BRPF1: variants seen among roughly 807,000 people sequenced by gnomAD.
BRPF1 encodes the protein bromodomain and PHD finger containing 1, also known as peregrin.
In BRPF1, 15 loss-of-function variants were observed where a neutral mutation model predicts 115.0. The ratio of observed to expected loss-of-function variants is 0.13; its 90% CI spans 0.09 to 0.20. The LOEUF is 0.20. Ranked by LOEUF, BRPF1 falls within the 10% of genes least tolerant of loss-of-function variation. The pLI is 1.00. For missense variants in BRPF1, 1,118 were observed against 1,638.3 expected, an observed-to-expected ratio of 0.68 and a Z score of 5.48; for synonymous variants, 647 against 619.8, an observed-to-expected ratio of 1.04 and a Z score of -0.65.
rs140640735 is a variant in BRPF1, at chr3:9,739,890, A to G, written c.1491A>G (p.Ala497=). The part of the protein sequence containing the change: ...KAKSRIKMKK[A]RKILAEKRAA... ...AGTCCCGGATCAAAATGAAGAAGGC[A>G]CGGAAGATCCTGGCAGAGAAGCGGG... The change falls in exon 3 of 14, where the codon GCA becomes GCG. Residue 497 remains alanine, a synonymous_variant. Transcript: ENST00000383829. The G allele has an allele frequency of 6.3e-7, 1 of 1,582,390 alleles. No individual in the cohort carries two copies. The highest frequency in any genetic ancestry group is 8.6e-7 in the Non-Finnish European group (1 of 1,164,298).
At position 9,734,056 on chromosome 3, in the gene BRPF1, G is replaced by T; in HGVS notation, c.-10-75G>T. 1 of 1,513,620 alleles carries T rather than the reference G, an allele frequency of 6.6e-7. No homozygotes were observed. The highest frequency in any genetic ancestry group is 8.8e-7 in the Non-Finnish European group (1 of 1,135,584). The allele number at this position is 1,513,620 out of a possible 1,614,324, so 93.8% of individuals were successfully genotyped here. A position where few individuals can be genotyped will look rare whatever the true frequency, so the allele number is the denominator to read the frequency against. On this transcript the variant is annotated intron_variant, in intron 1 of 13. Transcript: ENST00000383829. The surrounding 1 kb of genome is among the most constrained non-coding windows in gnomAD (Gnocchi z 5.7). ...TGACTCCAAGTGAGGGGGAGGGCTAGAAAGACTGGGGTCTCTGGTGCAAAT... is the reference window on the plus strand; with the variant it reads ...TGACTCCAAGTGAGGGGGAGGGCTATAAAGACTGGGGTCTCTGGTGCAAAT...
Position 9,741,966 on chromosome 3 carries a change from A to ACT in BRPF1, c.1855-59_1855-58insCT, listed in dbSNP as rs1342294775. The stretch of plus-strand genomic sequence containing the variant: ...CCAGGCCAGCTGGGACCATATCCTC[A>ACT]GACCTCTTTGCCACTGAACTGGCCG... On this transcript the variant is annotated intron_variant, in intron 5 of 13. Coordinates refer to ENST00000383829, the MANE Select transcript of BRPF1 (RefSeq NM_001003694.2). 459 of 1,601,012 alleles carry ACT rather than the reference A, an allele frequency of 2.9e-4. 1 individual carries two copies. Among genetic ancestry groups the ACT allele is most frequent in the Admixed American group, 1.6e-3 (93 of 59,014 alleles).
intron 6 of BRPF1, chr3:9,742,461 C>T (rs1003147193): frequency 5.1e-6 from 5 of 985,294 alleles, no homozygotes; most frequent in South Asian, 4.7e-5. Context: ...AACCCTAGAA[C>T]GGAGACTTTA....
At position 9,745,149 on chromosome 3, in the gene BRPF1, G is replaced by A. The variant is rs780916627; in HGVS notation, c.3062G>A (p.Arg1021Gln). The A allele has an allele frequency of 2.7e-5, 43 of 1,613,804 alleles. No individual in the cohort carries two copies. The Admixed American group carries it at 6.7e-4, about 25-fold the overall frequency. Residue 1021 changes from arginine (R) to glutamine (Q), a missense_variant, in exon 10 of 14, where the codon CGG becomes CAG. Arg to Gln is a conservative substitution (Grantham distance 43). Coordinates refer to ENST00000383829, the MANE Select transcript of BRPF1 (RefSeq NM_001003694.2). The surrounding 1 kb of genome is among the most constrained non-coding windows in gnomAD (Gnocchi z 5.1). ...SSSSSSAASDRTSTTPSKQGR... is the reference protein window; with the variant it reads ...SSSSSSAASDQTSTTPSKQGR... ...AGCAGTAGCAGCGCTGCTTCAGACCGGACCAGGTACCAGCCCTCCAGATCG... is the reference window on the plus strand; with the variant it reads ...AGCAGTAGCAGCGCTGCTTCAGACCAGACCAGGTACCAGCCCTCCAGATCG...
rs996676995 is a variant in BRPF1 at position 9,746,247 on chromosome 3, A to G, written c.3325-53A>G. 251 of 1,490,206 alleles carry G rather than the reference A, an allele frequency of 1.7e-4. 1 individual carries two copies. The highest frequency in any genetic ancestry group is 2.1e-4 in the Non-Finnish European group (236 of 1,116,872). 92.3% of individuals were successfully genotyped at this position (1,490,206 alleles called of 1,614,324 possible). On this transcript the variant is annotated intron_variant, in intron 12 of 13. Coordinates refer to ENST00000383829, the MANE Select transcript of BRPF1 (RefSeq NM_001003694.2). ...TACTCTCTAAGTTCTTGAGGAGGAA[A>G]AGCCTTGGGAGGACATGGACTGAAC...
intron 2 of BRPF1, among the ~76,000 whole-genome samples, chr3:9,735,390 C>T (rs1243096434): frequency 6.6e-6 from 1 of 152,212 alleles, no homozygotes; most frequent in Non-Finnish European, 1.5e-5. Context: ...CATAGCTGTA[C>T]TGTTTCCACT....
intron 3 of BRPF1, among the ~76,000 whole-genome samples, chr3:9,740,529 G>A (rs1201029139): frequency 6.6e-6 from 1 of 152,216 alleles, no homozygotes; most frequent in African/African-American, 2.4e-5. Flanking sequence ...CTTAGGGGCA[G>A]AAGTCCCTGA....
At position 9,743,091 on chromosome 3, in the gene BRPF1, G is replaced by A; in HGVS notation, c.2149G>A (p.Asp717Asn). The change falls in exon 7 of 14, where the codon GAC (aspartate) becomes AAC (asparagine). Residue 717 changes from aspartate to asparagine, a missense_variant. Asp to Asn is a conservative substitution (Grantham distance 23, BLOSUM62 1). Coordinates refer to ENST00000383829, the MANE Select transcript of BRPF1 (RefSeq NM_001003694.2). The surrounding 1 kb of genome is among the most constrained non-coding windows in gnomAD (Gnocchi z 6.1). The stretch of plus-strand genomic sequence containing the variant: ...CAACTGCCTCAAGTATAACGCCAAG[G>A]ACACCATCTTCTACCGGGCAGCAGT... The part of the protein sequence containing the change: ...VSNCLKYNAK[D>N]TIFYRAAVRL... The A allele has an allele frequency of 1.2e-6, 2 of 1,614,206 alleles. No individual in the cohort carries two copies. The highest frequency in any genetic ancestry group is 1.7e-6 in the Non-Finnish European group (2 of 1,180,046).
At chr3:9,740,088 A>G (rs2077004520) in intron 3 of BRPF1, 130 bp downstream of exon 3, 2 of 1,397,454 alleles carry the variant, frequency 1.4e-6, no homozygotes, top group Non-Finnish European at 9.3e-7. Flanking sequence ...TAAAAAGAAC[A>G]TATTTTCAAA....
chr3:9,743,954 C>T lies in BRPF1; in HGVS notation c.2635+53C>T. The T allele has an allele frequency of 1.3e-6, 2 of 1,518,178 alleles. No individual in the cohort carries two copies. The highest frequency in any genetic ancestry group is 1.8e-6 in the Non-Finnish European group (2 of 1,129,944). The allele number at this position is 1,518,178 out of a possible 1,614,324, so 94.0% of individuals were successfully genotyped here. A position where few individuals can be genotyped will look rare whatever the true frequency, so the allele number is the denominator to read the frequency against. ...CAAAGCAAGTCAGACTTTGGCTCTG[C>T]AGCACACACTCAACCCCTGCCATTC... On this transcript the variant is annotated intron_variant, in intron 8 of 13. Transcript: ENST00000383829. This position sits in a 1 kb window ranked among gnomAD's most constrained non-coding sequence, Gnocchi z 6.1.
chr3:9,738,912 A>G, intron 2 of BRPF1, 87 bp from the exon 3 acceptor site: 2 of 1,285,600 alleles, frequency 1.6e-6, no homozygotes, highest in East Asian at 2.4e-5. Context: ...ATAGGCACAG[A>G]GTAAGTGCTC....
chr3:9,731,999 AG>A lies in BRPF1; in HGVS notation c.-145del, dbSNP rs2076859830. 1 of 152,440 alleles carries A rather than the reference AG, an allele frequency of 6.6e-6. No individual in the cohort carries two copies. The highest frequency in any genetic ancestry group is 1.5e-5 in the Non-Finnish European group (1 of 68,166). 9.4% of individuals were successfully genotyped at this position (152,440 alleles called of 1,614,324 possible). ...AGCCGGGACCAAAGCGTGGGGCGGC[AG>A]GGGGCCGGGGTGGCGAGGTCTACGG... On this transcript the variant is annotated 5_prime_UTR_variant, in exon 1 of 14. Transcript: ENST00000383829.
In BRPF1 at chr3:9,745,144, A is replaced by C; in HGVS notation, c.3057A>C (p.Ser1019=). ...GCAGTAGCAGTAGCAGCGCTGCTTC[A>C]GACCGGACCAGGTACCAGCCCTCCA... is the stretch of plus-strand genomic sequence containing the variant. The part of the protein sequence containing the change: ...SSSSSSSSAA[S]DRTSTTPSKQ... The change falls in exon 10 of 14, where the codon TCA becomes TCC. Residue 1019 remains serine (S), a synonymous_variant. Transcript: ENST00000383829. This position sits in a 1 kb window ranked among gnomAD's most constrained non-coding sequence, Gnocchi z 5.1. The C allele has an allele frequency of 1.2e-6, 2 of 1,614,130 alleles. No homozygotes were observed. Among genetic ancestry groups the C allele is most frequent in the Non-Finnish European group, 1.7e-6 (2 of 1,179,992 alleles).
intron 2 of BRPF1, among the ~76,000 whole-genome samples, chr3:9,736,987 G>A (rs1262931775): frequency 6.6e-6 from 1 of 152,172 alleles, no homozygotes; most frequent in South Asian, 2.1e-4. Flanking sequence ...ATAATGTCAC[G>A]TGTGTCATGG....
Position 9,743,858 on chromosome 3 carries a change from A to C in BRPF1, c.2592A>C (p.Thr864=). The C allele has an allele frequency of 6.2e-7, 1 of 1,602,034 alleles. No homozygotes were observed. The change falls in exon 8 of 14, where the codon ACA becomes ACC. Residue 864 remains threonine, a synonymous_variant. Coordinates refer to ENST00000383829, the MANE Select transcript of BRPF1 (RefSeq NM_001003694.2). This position sits in a 1 kb window ranked among gnomAD's most constrained non-coding sequence, Gnocchi z 6.1. ...HPAACDKDGQ[T]DSAAEESSSQ... is the part of the protein sequence containing the mutation. Reference sequence around the variant, plus strand: ...CAGCCTGTGACAAGGATGGGCAGACAGATAGTGCGGCAGAGGAGAGCAGCA... The same window carrying C: ...CAGCCTGTGACAAGGATGGGCAGACCGATAGTGCGGCAGAGGAGAGCAGCA...
At chr3:9,736,521 G>A (rs929372609) in intron 2 of BRPF1, among the ~76,000 whole-genome samples, 2 of 152,048 alleles carry the variant, frequency 1.3e-5, no homozygotes, top group East Asian at 3.9e-4. Context: ...CAAACACACA[G>A]ACCCCTCTTT....
At position 9,742,841 on chromosome 3, in the gene BRPF1, G is replaced by T. The variant is rs533199597; in HGVS notation, c.2002-103G>T. The T allele has an allele frequency of 4.1e-4, 508 of 1,247,738 alleles. 3 individuals carry two copies. In the African/African-American group the frequency reaches 7.1e-3, roughly 18 times the overall value. The allele number at this position is 1,247,738 out of a possible 1,614,324, so 77.3% of individuals were successfully genotyped here. ...TATATGCCTGCCTCTAACTGTGGTG[G>T]GAGGAGGTTGCTGGATGTGTTTCAG... On this transcript the variant is annotated intron_variant, in intron 6 of 13. Coordinates refer to ENST00000383829, the MANE Select transcript of BRPF1 (RefSeq NM_001003694.2).
intron 2 of BRPF1, among the ~76,000 whole-genome samples, chr3:9,738,503 T>A (rs1043240157): frequency 6.6e-6 from 1 of 152,236 alleles, no homozygotes; most frequent in Non-Finnish European, 1.5e-5. Flanking sequence ...AGAAGATCCA[T>A]GGCAGCTCTA....
rs202039036 is a variant in BRPF1 at position 9,745,849 on chromosome 3, G to A, written c.3243G>A (p.Leu1081=). 8.1e-6 allele frequency: 13 copies of A among 1,614,054 alleles called. No individual in the cohort carries two copies. The highest frequency in any genetic ancestry group is 1.7e-5 in the Admixed American group (1 of 60,002). Residue 1081 remains leucine, a synonymous_variant, in exon 12 of 14, where the codon CTG becomes CTA. Coordinates refer to ENST00000383829, the MANE Select transcript of BRPF1 (RefSeq NM_001003694.2). The surrounding 1 kb of genome is among the most constrained non-coding windows in gnomAD (Gnocchi z 5.1). ...GTCTGGGCCGGGGAGCTGGCTGGCT[G>A]TCAGAGGATGAGGACTCCCCGCTGG... ...RKSLGRGAGW[L]SEDEDSPLDA...
Sources: allele counts gnomAD v4.1 joint callset (sites outside exome capture counted in the v4.1 genomes callset), GRCh38; gene constraint gnomAD v4.1.1; non-coding constraint Gnocchi (gnomAD v3.1); transcripts MANE v1.5; gene names NCBI Gene and HGNC (gene_info 2026-07-23, HGNC 2026-07-21).